VEPH1: variants seen among roughly 807,000 people sequenced by gnomAD.
The protein encoded by VEPH1 is ventricular zone expressed PH domain containing 1, also known as ventricular zone-expressed PH domain-containing protein homolog 1.
VEPH1 carries 80 observed loss-of-function variants against 85.2 expected under a neutral mutation model. That is an observed-to-expected ratio of 0.94 (90% CI 0.78 to 1.13). VEPH1 has a LOEUF of 1.13. Ranked by LOEUF, VEPH1 falls within the 50% of genes most tolerant of loss-of-function variation. The pLI is 0.00. For synonymous variants in VEPH1, 297 were observed against 348.0 expected, an observed-to-expected ratio of 0.85 and a Z score of 1.63; for missense variants, 955 against 980.5, an observed-to-expected ratio of 0.97 and a Z score of 0.35.
At chr3:157,320,302 A>G (rs183140306) in intron 9 of VEPH1, among the ~76,000 whole-genome samples, 35 of 152,192 alleles carry the variant, frequency 2.3e-4, no homozygotes, top group African/African-American at 8.2e-4. Context: ...GAAATAAGCA[A>G]CTCATTCTGA....
intron 6 of VEPH1, among the ~76,000 whole-genome samples, chr3:157,410,509 A>G (rs1486788246): frequency 6.6e-6 from 1 of 152,070 alleles, no homozygotes; most frequent in African/African-American, 2.4e-5. Context: ...CATCTTGCCT[A>G]TTGTCTTTGG....
intron 6 of VEPH1, among the ~76,000 whole-genome samples, chr3:157,411,467 T>C (rs920239587): frequency 6.6e-6 from 1 of 152,128 alleles, no homozygotes; most frequent in Non-Finnish European, 1.5e-5. Context: ...GCACCTTAAA[T>C]ATTCTCTGTC....
chr3:157,411,744 G>C (rs1731549453), intron 6 of VEPH1, among the ~76,000 whole-genome samples: 1 of 152,116 alleles, frequency 6.6e-6, no homozygotes. Context: ...GTTTGTTTTG[G>C]GGGAAAAAGC....
intron 2 of VEPH1, among the ~76,000 whole-genome samples, chr3:157,471,413 C>T (rs563112639): frequency 6.6e-6 from 1 of 152,270 alleles, no homozygotes; most frequent in Admixed American, 6.5e-5. Context: ...AGACAAAGGA[C>T]AGGCACATTT....
At chr3:157,431,350 A>C (rs1397677981) in intron 4 of VEPH1, among the ~76,000 whole-genome samples, 1 of 152,130 alleles carries the variant, frequency 6.6e-6, no homozygotes, top group Non-Finnish European at 1.5e-5. Flanking sequence ...AGACAGATAC[A>C]TCCAGCTTTT....
intron 11 of VEPH1, among the ~76,000 whole-genome samples, chr3:157,287,869 T>C (rs998985094): frequency 6.6e-6 from 1 of 152,160 alleles, no homozygotes; most frequent in Non-Finnish European, 1.5e-5. Context: ...ATGGCCTGCA[T>C]TGGTTTTAAT....
intron 3 of VEPH1, among the ~76,000 whole-genome samples, chr3:157,463,315 C>T (rs542344623): frequency 2.0e-5 from 3 of 152,100 alleles, no homozygotes; most frequent in Non-Finnish European, 4.4e-5. Flanking sequence ...CCTGATATCC[C>T]ACTATTAAGT....
chr3:157,484,348 G>A (rs1195826914), intron 2 of VEPH1, among the ~76,000 whole-genome samples: 1 of 152,124 alleles, frequency 6.6e-6, no homozygotes, highest in Non-Finnish European at 1.5e-5. Flanking sequence ...CTGGAGTACA[G>A]TGGCTCCTCA....
intron 7 of VEPH1, among the ~76,000 whole-genome samples, chr3:157,370,640 T>C (rs1478787282): frequency 3.9e-5 from 6 of 152,218 alleles, no homozygotes; most frequent in African/African-American, 1.2e-4. Context: ...GTTCTTGGTA[T>C]CTATTCTGCC....
intron 9 of VEPH1, among the ~76,000 whole-genome samples, chr3:157,347,776 A>G (rs1432978873): frequency 3.9e-5 from 6 of 152,212 alleles, no homozygotes; most frequent in African/African-American, 1.4e-4. Flanking sequence ...CAAAACACCT[A>G]CAGTCCTCAC....
At chr3:157,300,546 T>C (rs1217647346) in intron 11 of VEPH1, among the ~76,000 whole-genome samples, 1 of 152,206 alleles carries the variant, frequency 6.6e-6, no homozygotes, top group Non-Finnish European at 1.5e-5. Context: ...AGCATATGTA[T>C]AGTATAAGTA....
intron 9 of VEPH1, among the ~76,000 whole-genome samples, chr3:157,336,558 C>T (rs1722987712): frequency 6.6e-6 from 1 of 152,222 alleles, no homozygotes; most frequent in African/African-American, 2.4e-5. Context: ...TCTTCTTCTC[C>T]ATTCCCCTAA....
chr3:157,337,603 AG>A lies in VEPH1; in HGVS notation c.1736-20403del, dbSNP rs532164248. On this transcript the variant is annotated intron_variant, in intron 9 of 13. Transcript: ENST00000362010. Reference sequence around the variant, plus strand: ...GATAAGATTAAGGATGACTTTCTTTAGTTTTTTTCCTATTTTCCAATATTTT... The same window carrying A: ...GATAAGATTAAGGATGACTTTCTTTATTTTTTTCCTATTTTCCAATATTTT... Among the ~76,000 whole-genome samples, 77 of 152,308 alleles carry A rather than the reference AG, an allele frequency of 5.1e-4. 1 individual carries two copies. The highest frequency in any genetic ancestry group is 3.4e-3 in the Middle Eastern group (1 of 294).
At chr3:157,413,673 A>T in intron 6 of VEPH1, 1 of 984,286 alleles carries the variant, frequency 1.0e-6, no homozygotes, top group Non-Finnish European at 1.2e-6. Context: ...GGACTGAAAG[A>T]GAAATTGGGA....
At chr3:157,472,346 T>C (rs1737043039) in intron 2 of VEPH1, among the ~76,000 whole-genome samples, 1 of 152,226 alleles carries the variant, frequency 6.6e-6, no homozygotes, top group African/African-American at 2.4e-5. Context: ...ATGTACATTT[T>C]CTTCTAAATA....
At chr3:157,437,793 G>C (rs764226150) in intron 4 of VEPH1, 9 of 1,464,534 alleles carry the variant, frequency 6.1e-6, no homozygotes, top group South Asian at 5.4e-5. Context: ...TGGAGGGCGC[G>C]GAGGCGCAGC....
At chr3:157,409,682 C>T in intron 6 of VEPH1, 1 of 985,430 alleles carries the variant, frequency 1.0e-6, no homozygotes, top group South Asian at 4.7e-5. Context: ...ACAGTCTGCT[C>T]ACCCAGATGG....
At chr3:157,472,377 A>G (rs558314512) in intron 2 of VEPH1, among the ~76,000 whole-genome samples, 151 of 152,306 alleles carry the variant, frequency 9.9e-4, no homozygotes, top group Non-Finnish European at 1.9e-3. Context: ...TCTTCCTACT[A>G]CCATTTAGTG....
chr3:157,384,468 T>G (rs1334251029), intron 6 of VEPH1, among the ~76,000 whole-genome samples: 1 of 152,248 alleles, frequency 6.6e-6, no homozygotes, highest in Non-Finnish European at 1.5e-5. Flanking sequence ...ACATTTCATT[T>G]GCTTATGCAA....
Sources: gnomAD v4.1 joint callset for allele counts (sites outside exome capture counted in the v4.1 genomes callset) on GRCh38, gnomAD v4.1.1 for gene constraint, MANE v1.5 for transcripts, NCBI Gene and HGNC (gene_info 2026-07-23, HGNC 2026-07-21) for gene names.